Variants in TOP2B observed in about 807,000 individuals in gnomAD.
TOP2B encodes DNA topoisomerase 2-beta.
In TOP2B, 51 loss-of-function variants were observed where a neutral mutation model predicts 193.5. The ratio of observed to expected loss-of-function variants is 0.26; its 90% confidence interval spans 0.21 to 0.33. The LOEUF is 0.33. Ranked by LOEUF, TOP2B falls within the 10% of genes least tolerant of loss-of-function variation. TOP2B has a pLI of 1.00. For synonymous variants in TOP2B, 634 were observed against 635.7 expected (o/e 1.00, Z 0.04); for missense variants, 1,378 against 1,909.3 (o/e 0.72, Z 5.19).
rs886149849 is a variant in TOP2B, at chr3:25,619,753, A to T, written c.3063+109T>A. Reference sequence around the variant, plus strand: ...TGCAGGATGGGAAAAAAAAAAAAAAAAAAATGCCTTCAGGCTTACTATAGC... The same window carrying T: ...TGCAGGATGGGAAAAAAAAAAAAAATAAAATGCCTTCAGGCTTACTATAGC... On this transcript the variant is annotated intron_variant, in intron 23 of 35. Transcript: ENST00000264331. The T allele has an allele frequency of 2.0e-5, 15 of 737,982 alleles. No homozygotes were observed. The South Asian group carries it at 2.3e-4, about 11-fold the overall frequency. 45.7% of individuals were successfully genotyped at this position (737,982 alleles called of 1,614,324 possible).
intron 4 of TOP2B, among the ~76,000 whole-genome samples, chr3:25,641,067 C>T (rs1169783126): frequency 6.6e-6 from 1 of 152,146 alleles, no homozygotes; most frequent in Non-Finnish European, 1.5e-5. Context: ...CAGGCGTGAG[C>T]TGCCGCACCT....
intron 21 of TOP2B, 144 bp from the exon 22 acceptor site, chr3:25,620,960 A>ATC: frequency 1.2e-6 from 1 of 832,154 alleles, no homozygotes; most frequent in Non-Finnish European, 1.8e-6. Context: ...ATTAAGCTTG[A>ATC]ATTCATAGCT....
At chr3:25,628,309 C>CTACAAAAA (rs1702864643) in intron 15 of TOP2B, among the ~76,000 whole-genome samples, 2 of 151,860 alleles carry the variant, frequency 1.3e-5, no homozygotes, top group South Asian at 4.2e-4. Flanking sequence ...AACCCCATCT[C>CTACAAAAA]TACAAAAATA....
rs1298517811 is a variant in TOP2B at position 25,613,570 on chromosome 3, C to T, written c.3592-861G>A. Among the ~76,000 whole-genome samples, 3 of 151,822 alleles carry T rather than the reference C, an allele frequency of 2.0e-5. No individual in the cohort carries two copies. In the East Asian group the frequency reaches 5.8e-4, roughly 29 times the overall value. ...AACATAACAAAACCTCATCTCTACA[C>T]AAAAATGCAAAAATTAGCCAGATGT... On this transcript the variant is annotated intron_variant, in intron 27 of 35. Coordinates refer to ENST00000264331, the MANE Select transcript of TOP2B (RefSeq NM_001330700.2).
intron 1 of TOP2B, among the ~76,000 whole-genome samples, chr3:25,658,197 C>A (rs913699056): frequency 6.6e-6 from 1 of 151,660 alleles, no homozygotes; most frequent in Non-Finnish European, 1.5e-5. Flanking sequence ...CCACTGCACC[C>A]CAACCTGGGC....
In TOP2B at chr3:25,642,333, A is replaced by G. The variant is rs368869538; in HGVS notation, c.384T>C (p.Val128=). The G allele has an allele frequency of 1.9e-6, 3 of 1,543,006 alleles. No individual in the cohort carries two copies. The highest frequency in any genetic ancestry group is 2.6e-6 in the Non-Finnish European group (3 of 1,141,116). ...TTAAATATACTTACGGATCAATAGA[A>G]ACTTTAATACAAGTCATGTTCTTAT... ...QRDKNMTCIK[V]SIDPESNIIS... Residue 128 remains valine, a synonymous_variant, in exon 4 of 36, where the codon GTT becomes GTC. Coordinates refer to ENST00000264331, the MANE Select transcript of TOP2B (RefSeq NM_001330700.2).
intron 17 of TOP2B, 27 bp from the exon 18 acceptor site, chr3:25,626,701 T>C: frequency 6.6e-7 from 1 of 1,505,202 alleles, no homozygotes; most frequent in Non-Finnish European, 9.0e-7. Flanking sequence ...ATAGCAATAT[T>C]ATCATTATTA....
chr3:25,632,414 A>G, intron 10 of TOP2B, 32 bp downstream of exon 10: 3 of 1,510,320 alleles, frequency 2.0e-6, no homozygotes, highest in East Asian at 2.4e-5. Flanking sequence ...ACTCTTAATA[A>G]CAACAATAAA....
At chr3:25,623,064 C>A (rs1374586717) in intron 21 of TOP2B, among the ~76,000 whole-genome samples, 1 of 152,200 alleles carries the variant, frequency 6.6e-6, no homozygotes, top group African/African-American at 2.4e-5. Context: ...AGGTGTGAGC[C>A]ACCACGCCCA....
chr3:25,658,898 A>ATT lies in TOP2B; in HGVS notation c.69+5329_69+5330dup, dbSNP rs760384043. Among the ~76,000 whole-genome samples the ATT allele has an allele frequency of 3.9e-5, 6 of 152,294 alleles. No individual in the cohort carries two copies. In the East Asian group the frequency reaches 7.7e-4, roughly 20 times the overall value. On this transcript the variant is annotated intron_variant, in intron 1 of 35. Coordinates refer to ENST00000264331, the MANE Select transcript of TOP2B (RefSeq NM_001330700.2). ...CAGAATTGTCACCTGAAATATAGCAATTTGGCAGAAGCACCCAGTTTGTTT... is the reference window on the plus strand; with the variant it reads ...CAGAATTGTCACCTGAAATATAGCAATTTTTGGCAGAAGCACCCAGTTTGTTT...
chr3:25,613,122 G>GA (rs534025799), intron 27 of TOP2B, among the ~76,000 whole-genome samples: 17 of 151,542 alleles, frequency 1.1e-4, no homozygotes, highest in South Asian at 2.1e-4. Flanking sequence ...TAGAAAATAT[G>GA]AAAAAAAACC....
Position 25,658,070 on chromosome 3 carries a change from A to AAACAAAAAAACAAAAAAAC in TOP2B, c.69+6158_69+6159insGTTTTTTTGTTTTTTTGTT, listed in dbSNP as rs1703801983. On this transcript the variant is annotated intron_variant, in intron 1 of 35. Transcript: ENST00000264331. ...AGCGAGACTCCGTCTCAAAAAAAAA[A>AAACAAAAAAACAAAAAAAC]AAAAAAAATTAGCTGGGCATGGTGG... 8.0e-5 allele frequency among the ~76,000 whole-genome samples: 6 copies of AAACAAAAAAACAAAAAAAC among 74,612 alleles called. 1 individual carries two copies. The highest frequency in any genetic ancestry group is 4.4e-4 in the African/African-American group (6 of 13,648). 48.9% of individuals were successfully genotyped at this position (74,612 alleles called of 152,430 possible).
Position 25,645,055 on chromosome 3 carries a change from C to T in TOP2B, c.240+245G>A, listed in dbSNP as rs531648982. Among the ~76,000 whole-genome samples the T allele has an allele frequency of 2.0e-5, 3 of 151,938 alleles. No individual in the cohort carries two copies. The South Asian group carries it at 6.2e-4, about 32-fold the overall frequency. ...TCGATCTCCTGACCTTGTGATCCACCCGCCTCGGCCTCCCAAAGTGCTGGG... is the reference window on the plus strand; with the variant it reads ...TCGATCTCCTGACCTTGTGATCCACTCGCCTCGGCCTCCCAAAGTGCTGGG... On this transcript the variant is annotated intron_variant, in intron 2 of 35. Transcript: ENST00000264331.
In TOP2B at chr3:25,664,576, G is replaced by T. The variant is rs897277616; in HGVS notation, c.-279C>A. 1.8e-5 allele frequency: 19 copies of T among 1,044,426 alleles called. No individual in the cohort carries two copies. In the African/African-American group the frequency reaches 2.7e-4, roughly 15 times the overall value. The allele number at this position is 1,044,426 out of a possible 1,614,324, so 64.7% of individuals were successfully genotyped here. Reference sequence around the variant, plus strand: ...AAGCAGGGAGCGACCGGCGGCGGCCGAGCGGCGGCGTTGCCTTCTCGCCCG... The same window carrying T: ...AAGCAGGGAGCGACCGGCGGCGGCCTAGCGGCGGCGTTGCCTTCTCGCCCG... On this transcript the variant is annotated 5_prime_UTR_variant, in exon 1 of 36. Coordinates refer to ENST00000264331, the MANE Select transcript of TOP2B (RefSeq NM_001330700.2).
intron 16 of TOP2B, 34 bp from the exon 17 acceptor site, chr3:25,626,898 A>C: frequency 8.0e-7 from 1 of 1,252,510 alleles, no homozygotes; most frequent in Non-Finnish European, 1.1e-6. Context: ...TTGCACATTA[A>C]AAATAAAATA....
In TOP2B at chr3:25,618,856, A is replaced by G. The variant is rs41285075; in HGVS notation, c.3064-7T>C. 0.023 allele frequency: 36,342 copies of G among 1,589,606 alleles called. 491 individuals carry two copies. Among genetic ancestry groups the G allele is most frequent in the Non-Finnish European group, 0.026 (30,766 of 1,165,686 alleles). ...CCATATGATCAAAAAGTACCTAAGCAAAACACATATACTTTGCAGATCATA... is the reference window on the plus strand; with the variant it reads ...CCATATGATCAAAAAGTACCTAAGCGAAACACATATACTTTGCAGATCATA... On this transcript the variant is annotated splice_polypyrimidine_tract_variant and splice_region_variant and intron_variant, in intron 23 of 35. Transcript: ENST00000264331.
chr3:25,638,313 G>GT lies in TOP2B; in HGVS notation c.396-4dup, dbSNP rs773671739. The GT allele has an allele frequency of 4.5e-5, 3 of 67,044 alleles. No individual in the cohort carries two copies. Among genetic ancestry groups the GT allele is most frequent in the African/African-American group, 3.9e-4 (3 of 7,712 alleles). 4.2% of individuals were successfully genotyped at this position (67,044 alleles called of 1,614,324 possible). A position where few individuals can be genotyped will look rare whatever the true frequency, so the allele number is the denominator to read the frequency against. ...AAATGCTTATAATGTTAGATTCACTGTAAAAAAAAAAAAAAAAAAAAAAAA... is the reference window on the plus strand; with the variant it reads ...AAATGCTTATAATGTTAGATTCACTGTTAAAAAAAAAAAAAAAAAAAAAAAA... On this transcript the variant is annotated splice_polypyrimidine_tract_variant and splice_region_variant and intron_variant, in intron 4 of 35. Coordinates refer to ENST00000264331, the MANE Select transcript of TOP2B (RefSeq NM_001330700.2).
Position 25,664,252 on chromosome 3 carries a change from C to G in TOP2B, c.46G>C (p.Gly16Arg). 6.5e-7 allele frequency: 1 copy of G among 1,537,726 alleles called. No individual in the cohort carries two copies. The highest frequency in any genetic ancestry group is 2.5e-5 in the East Asian group (1 of 40,676). ...ACCACCCAGGTCAGTGCCCCGTTGC[C>G]GCCGCCCACGCCGGCTCCCGCGCCG... ...GCGAGAGVGG[G>R]NGALTWVTLF... is the part of the protein sequence containing the mutation. The change falls in exon 1 of 36, where the codon GGC becomes CGC. Residue 16 changes from glycine to arginine, a missense_variant. Transcript: ENST00000264331.
At chr3:25,661,932 A>G (rs1703926204) in intron 1 of TOP2B, among the ~76,000 whole-genome samples, 1 of 152,244 alleles carries the variant, frequency 6.6e-6, no homozygotes, top group Non-Finnish European at 1.5e-5. Context: ...GCAGGTGGCA[A>G]CATAACACTA....
Sources: gnomAD v4.1 joint callset for allele counts (sites outside exome capture counted in the v4.1 genomes callset) on GRCh38, gnomAD v4.1.1 for gene constraint, MANE v1.5 for transcripts, NCBI Gene and HGNC (gene_info 2026-07-23, HGNC 2026-07-21) for gene names.